ICE2: variants seen among roughly 807,000 people sequenced by gnomAD.
ICE2 encodes the protein little elongation complex subunit 2.
ICE2 carries 87 observed loss-of-function variants against 105.4 expected under a neutral mutation model. That is an observed-to-expected ratio of 0.83 (90% CI 0.69 to 0.99). The LOEUF (loss-of-function observed/expected upper bound fraction) is 0.99, where lower values mean the gene tolerates loss of function less well. Ranked by LOEUF, ICE2 falls within the 50% of genes least tolerant of loss-of-function variation. ICE2 has a pLI of 0.00. For missense variants in ICE2, 1,323 were observed against 1,146.7 expected, an observed-to-expected ratio of 1.15 and a Z score of -2.22; for synonymous variants, 399 against 392.0, an observed-to-expected ratio of 1.02 and a Z score of -0.21.
intron 5 of ICE2, among the ~76,000 whole-genome samples, chr15:60,457,895 T>C (rs12917447): frequency 0.057 from 8,653 of 152,254 alleles, 342 homozygotes; most frequent in Non-Finnish European, 0.091. Context: ...ACTTGCAACA[T>C]TCCCTTCCTA....
At chr15:60,471,148 T>TA (rs1415704369) in intron 3 of ICE2, among the ~76,000 whole-genome samples, 2 of 152,082 alleles carry the variant, frequency 1.3e-5, no homozygotes, top group African/African-American at 2.4e-5. Context: ...AAACAATGGA[T>TA]AAAAAACTAC....
chr15:60,453,278 C>G (rs1042698616), intron 9 of ICE2: 2 of 1,050,858 alleles, frequency 1.9e-6, no homozygotes, highest in South Asian at 4.0e-5. Flanking sequence ...TAAACAAAAC[C>G]TCATATTAAC....
intron 14 of ICE2, among the ~76,000 whole-genome samples, chr15:60,431,493 C>T (rs987492563): frequency 6.6e-6 from 1 of 152,112 alleles, no homozygotes; most frequent in Non-Finnish European, 1.5e-5. Context: ...AGGAAAGAGC[C>T]ACAAGTCAAC....
intron 9 of ICE2, chr15:60,452,830 C>G: frequency 1.0e-6 from 1 of 980,774 alleles, no homozygotes; most frequent in Non-Finnish European, 1.2e-6. Context: ...ATTATGTAAT[C>G]TGCCCGAGGT....
chr15:60,477,875 T>C, intron 2 of ICE2, 62 bp downstream of exon 2: 1 of 1,366,358 alleles, frequency 7.3e-7, no homozygotes, highest in South Asian at 1.2e-5. Context: ...TCTATTTTCT[T>C]ATGTCAACCA....
At chr15:60,450,354 T>C (rs1199784950) in intron 9 of ICE2, among the ~76,000 whole-genome samples, 1 of 152,142 alleles carries the variant, frequency 6.6e-6, no homozygotes, top group African/African-American at 2.4e-5. Context: ...CCACAACTAC[T>C]CAGGGAAAAC....
At chr15:60,468,861 T>C (rs2064502890) in intron 3 of ICE2, among the ~76,000 whole-genome samples, 1 of 152,226 alleles carries the variant, frequency 6.6e-6, no homozygotes, top group African/African-American at 2.4e-5. Flanking sequence ...TTGAAAGCAG[T>C]ATTGGTTTTG....
intron 5 of ICE2, among the ~76,000 whole-genome samples, chr15:60,459,184 G>A (rs778735231): frequency 4.6e-5 from 7 of 152,170 alleles, no homozygotes; most frequent in Non-Finnish European, 8.8e-5. Context: ...AACTAATGGA[G>A]GCTATAAATC....
At chr15:60,476,005 C>T in intron 3 of ICE2, 58 bp downstream of exon 3, 2 of 1,162,486 alleles carry the variant, frequency 1.7e-6, no homozygotes, top group Non-Finnish European at 2.4e-6. Flanking sequence ...CATAAAACTT[C>T]AACTATCAGA....
chr15:60,453,311 C>T, intron 9 of ICE2: 1 of 1,134,004 alleles, frequency 8.8e-7, no homozygotes, highest in Non-Finnish European at 1.1e-6. Flanking sequence ...GGAGTTTTCA[C>T]TACATACATA....
chr15:60,454,319 G>A (rs1469104079), intron 8 of ICE2, among the ~76,000 whole-genome samples: 2 of 151,966 alleles, frequency 1.3e-5, no homozygotes, highest in African/African-American at 4.8e-5. Flanking sequence ...TATATGTATA[G>A]ACTTACTGTT....
At chr15:60,476,216 C>G in intron 2 of ICE2, 49 bp from the exon 3 acceptor site, 1 of 1,201,418 alleles carries the variant, frequency 8.3e-7, no homozygotes, top group Non-Finnish European at 1.2e-6. Flanking sequence ...AAATCTCATG[C>G]TAGACTATGA....
At chr15:60,459,243 T>A (rs111247595) in intron 5 of ICE2, among the ~76,000 whole-genome samples, 1 of 152,202 alleles carries the variant, frequency 6.6e-6, no homozygotes, top group Admixed American at 6.5e-5. Flanking sequence ...TTAAAAAGCA[T>A]ATTTTTATGA....
chr15:60,449,606 C>G lies in ICE2; in HGVS notation c.1361G>C (p.Arg454Thr). ...PSAPDISANS[R>T]SLSQILMEQL... ...TTCCATCAGAATCTGAGATAAACTT[C>G]TAGAATTAGCAGAAATGTCTGGTGC... The change falls in exon 10 of 16, where the codon AGA becomes ACA. Residue 454 changes from arginine (R) to threonine (T), a missense_variant. Transcript: ENST00000261520. 1 of 1,614,148 alleles carries G rather than the reference C, an allele frequency of 6.2e-7. No individual in the cohort carries two copies. Among genetic ancestry groups the G allele is most frequent in the Non-Finnish European group, 8.5e-7 (1 of 1,180,030 alleles).
intron 3 of ICE2, among the ~76,000 whole-genome samples, chr15:60,473,149 C>G (rs575416528): frequency 1.3e-5 from 2 of 152,072 alleles, no homozygotes; most frequent in African/African-American, 2.4e-5. Context: ...TGATATGTTG[C>G]CCGGGCTGGT....
chr15:60,446,999 CAGT>C (rs1439431850), intron 11 of ICE2, among the ~76,000 whole-genome samples: 1 of 152,012 alleles, frequency 6.6e-6, no homozygotes, highest in African/African-American at 2.4e-5. Context: ...TACCAGAACT[CAGT>C]AGTCATACAC....
intron 7 of ICE2, 57 bp downstream of exon 7, chr15:60,455,269 T>C: frequency 6.5e-7 from 1 of 1,546,304 alleles, no homozygotes; most frequent in Non-Finnish European, 8.9e-7. Context: ...GGGTTAGATA[T>C]ATTTTGTGAG....
At position 60,420,189 on chromosome 15, in the gene ICE2, C is replaced by T. The variant is rs868580606; in HGVS notation, c.*3445G>A. 17 of 152,130 alleles carry T rather than the reference C, an allele frequency of 1.1e-4. No individual in the cohort carries two copies. The Middle Eastern group carries it at 0.01, about 91-fold the overall frequency. The allele number at this position is 152,130 out of a possible 1,614,324, so 9.4% of individuals were successfully genotyped here. Reference sequence around the variant, plus strand: ...GAACATTTTAAATTAACTTTCTTCCCACTCTAACCACACTATTTTCTCAAT... The same window carrying T: ...GAACATTTTAAATTAACTTTCTTCCTACTCTAACCACACTATTTTCTCAAT... On this transcript the variant is annotated 3_prime_UTR_variant, in exon 16 of 16. Transcript: ENST00000261520.
In ICE2 at chr15:60,422,211, T is replaced by C. The variant is rs1257857519; in HGVS notation, c.*1423A>G. The stretch of plus-strand genomic sequence containing the variant: ...TCTGTGGTGCGATCACAACTCACTG[T>C]AGCCTTGACTTCTTGGGCTCAAGCA... On this transcript the variant is annotated 3_prime_UTR_variant, in exon 16 of 16. Transcript: ENST00000261520. 1 of 151,828 alleles carries C rather than the reference T, an allele frequency of 6.6e-6. No individual in the cohort carries two copies. Among genetic ancestry groups the C allele is most frequent in the Non-Finnish European group, 1.5e-5 (1 of 67,982 alleles). 9.4% of individuals were successfully genotyped at this position (151,828 alleles called of 1,614,324 possible).
Sources: gnomAD v4.1 joint callset for allele counts (sites outside exome capture counted in the v4.1 genomes callset) on GRCh38, gnomAD v4.1.1 for gene constraint, MANE v1.5 for transcripts, NCBI Gene and HGNC (gene_info 2026-07-23, HGNC 2026-07-21) for gene names.